ARMC2: variants seen among roughly 807,000 people sequenced by gnomAD.
ARMC2 encodes armadillo repeat-containing protein 2.
ARMC2 carries 67 observed loss-of-function variants against 90.3 expected under a neutral mutation model. The observed-to-expected ratio is 0.74, with a 90% CI of 0.61 to 0.91. The LOEUF is 0.91. Among genes scored for constraint, ARMC2 ranks in the 40% least tolerant of loss-of-function variants. The pLI, the probability that ARMC2 is intolerant of heterozygous loss-of-function variation, is 0.00. For synonymous variants in ARMC2, 393 were observed against 393.0 expected (o/e 1.00, Z 0.00); for missense variants, 920 against 1,030.9 (o/e 0.89, Z 1.47).
At chr6:108,948,526 G>A (rs1403119949) in intron 12 of ARMC2, among the ~76,000 whole-genome samples, 1 of 151,020 alleles carries the variant, frequency 6.6e-6, no homozygotes, top group Admixed American at 6.6e-5. Flanking sequence ...GTTTGGTGCT[G>A]CAGACGGCGC....
At chr6:108,924,499 GA>G (rs58366823) in intron 10 of ARMC2, among the ~76,000 whole-genome samples, 113,281 of 151,692 alleles carry the variant, frequency 0.75, 42,594 homozygotes, top group Middle Eastern at 0.81. Flanking sequence ...AAAGAAAAAA[GA>G]AAAAAATGAG....
the ARMC2 span, chr6:109,001,255 GC>G: frequency 6.3e-7 from 1 of 1,582,486 alleles, no homozygotes; most frequent in Non-Finnish European, 8.7e-7. Context: ...ATAAAAATAG[GC>G]AAAAACAATT....
At chr6:108,929,310 C>T (rs910851717) in intron 11 of ARMC2, among the ~76,000 whole-genome samples, 1 of 152,136 alleles carries the variant, frequency 6.6e-6, no homozygotes, top group Non-Finnish European at 1.5e-5. Flanking sequence ...GTTCCAGCAC[C>T]TTTTACTGAC....
At chr6:109,040,680 T>A in the ARMC2 span, among the ~76,000 whole-genome samples, 1 of 150,112 alleles carries the variant, frequency 6.7e-6, no homozygotes, top group Non-Finnish European at 1.5e-5. Flanking sequence ...TTTGAGACAG[T>A]CTCGCTCTGT....
the ARMC2 span, among the ~76,000 whole-genome samples, chr6:109,012,884 G>A: frequency 3.3e-5 from 5 of 152,088 alleles, no homozygotes; most frequent in African/African-American, 1.2e-4. Context: ...GGAGGCCGAG[G>A]CAGGGCGGAT....
At chr6:109,005,819 A>G in the ARMC2 span, among the ~76,000 whole-genome samples, 2 of 152,218 alleles carry the variant, frequency 1.3e-5, no homozygotes, top group East Asian at 3.8e-4. Context: ...ATTATAAACT[A>G]TAGAATTTTA....
chr6:108,948,557 G>C (rs1230686335), intron 12 of ARMC2, among the ~76,000 whole-genome samples: 2 of 150,582 alleles, frequency 1.3e-5, no homozygotes, highest in Non-Finnish European at 1.5e-5. Context: ...CCCATTTGTT[G>C]ATCTCGCATG....
intron 4 of ARMC2, among the ~76,000 whole-genome samples, chr6:108,875,435 G>A (rs1049801835): frequency 3.9e-5 from 6 of 152,050 alleles, no homozygotes; most frequent in Non-Finnish European, 8.8e-5. Context: ...CACAGTGGGT[G>A]CTGAAGAGTC....
chr6:108,907,978 T>A, intron 8 of ARMC2: 1 of 1,023,992 alleles, frequency 9.8e-7, no homozygotes, highest in Non-Finnish European at 1.4e-6. Flanking sequence ...AAACATTTAT[T>A]AAGGTTCCCA....
chr6:108,876,685 C>A (rs147982943), intron 5 of ARMC2, among the ~76,000 whole-genome samples: 1 of 152,282 alleles, frequency 6.6e-6, no homozygotes, highest in East Asian at 1.9e-4. Flanking sequence ...TCTTGCATGG[C>A]CTGGAATCTC....
the ARMC2 span, among the ~76,000 whole-genome samples, chr6:109,022,138 G>T: frequency 6.6e-6 from 1 of 151,076 alleles, no homozygotes; most frequent in Non-Finnish European, 1.5e-5. Flanking sequence ...TTCCTATAGA[G>T]ATGCACCCAT....
intron 5 of ARMC2, among the ~76,000 whole-genome samples, chr6:108,878,316 A>G (rs1177779325): frequency 6.6e-6 from 1 of 152,128 alleles, no homozygotes; most frequent in Non-Finnish European, 1.5e-5. Context: ...TAAAGTGGCA[A>G]TTGTCAGTGA....
At chr6:108,867,446 A>G (rs916796240) in intron 3 of ARMC2, among the ~76,000 whole-genome samples, 30 of 152,292 alleles carry the variant, frequency 2.0e-4, no homozygotes, top group African/African-American at 7.0e-4. Flanking sequence ...AGGGAGTATC[A>G]GCATAGAATT....
rs532965160 is a variant in ARMC2 at position 108,904,970 on chromosome 6, C to CA, written c.1023+574dup. 5.3e-4 allele frequency among the ~76,000 whole-genome samples: 80 copies of CA among 150,084 alleles called. No individual in the cohort carries two copies. The Middle Eastern group carries it at 0.024, about 45-fold the overall frequency. On this transcript the variant is annotated intron_variant, in intron 8 of 17. Coordinates refer to ENST00000392644, the MANE Select transcript of ARMC2 (RefSeq NM_032131.6). ...GGTGTGAGAAGAAAAGGCCAGACAC[C>CA]AAAAAAAAAGTCTGTAGAAACTCTG...
chr6:108,926,715 A>C (rs1217648190), intron 10 of ARMC2, among the ~76,000 whole-genome samples: 2 of 151,302 alleles, frequency 1.3e-5, no homozygotes, highest in Non-Finnish European at 2.9e-5. Flanking sequence ...ACAAAGAGAG[A>C]CTCTGTCTCC....
At chr6:108,880,136 C>G in intron 5 of ARMC2, 1 of 366,294 alleles carries the variant, frequency 2.7e-6, no homozygotes, top group South Asian at 2.1e-5. Flanking sequence ...AAAAAAATGG[C>G]TACGACCCTG....
chr6:108,905,489 C>G (rs556975559), intron 8 of ARMC2, among the ~76,000 whole-genome samples: 1 of 150,720 alleles, frequency 6.6e-6, no homozygotes, highest in African/African-American at 2.4e-5. Context: ...TAATCTGAAT[C>G]CTAGACATTT....
chr6:108,897,061 A>G (rs1395246636), intron 6 of ARMC2, among the ~76,000 whole-genome samples: 1 of 152,220 alleles, frequency 6.6e-6, no homozygotes, highest in Admixed American at 6.5e-5. Context: ...TAGAATCCAT[A>G]TCCATAAATT....
intron 5 of ARMC2, among the ~76,000 whole-genome samples, chr6:108,891,095 G>A (rs1770982528): frequency 6.6e-6 from 1 of 152,006 alleles, no homozygotes; most frequent in African/African-American, 2.4e-5. Context: ...CCTTTTTTAT[G>A]GCCGCATACT....
Sources: gnomAD v4.1 joint callset for allele counts (sites outside exome capture counted in the v4.1 genomes callset) on GRCh38, gnomAD v4.1.1 for gene constraint, MANE v1.5 for transcripts, NCBI Gene and HGNC (gene_info 2026-07-23, HGNC 2026-07-21) for gene names.